AGMO: variants seen among roughly 807,000 people sequenced by gnomAD.
The protein encoded by AGMO is glyceryl-ether monooxygenase.
Under a neutral mutation model 60.2 loss-of-function variants are expected in AGMO, and 75 were observed. That is an observed-to-expected ratio of 1.25 (90% CI 1.03 to 1.51). The LOEUF (loss-of-function observed/expected upper bound fraction) is 1.51. Among genes scored for constraint, AGMO ranks in the 40% most tolerant of loss-of-function variants. AGMO has a pLI of 0.00. For missense variants in AGMO, 763 were observed against 525.5 expected, an observed-to-expected ratio of 1.45 and a Z score of -4.42; for synonymous variants, 261 against 177.1, an observed-to-expected ratio of 1.47 and a Z score of -3.76.
intron 3 of AGMO, among the ~76,000 whole-genome samples, chr7:15,475,513 G>T (rs1782571059): frequency 6.6e-6 from 1 of 152,122 alleles, no homozygotes; most frequent in South Asian, 2.1e-4. Context: ...GATGCAGGGA[G>T]GGGAACATCA....
intron 12 of AGMO, among the ~76,000 whole-genome samples, chr7:15,284,464 A>C (rs1238064286): frequency 2.0e-5 from 3 of 152,128 alleles, no homozygotes; most frequent in Non-Finnish European, 2.9e-5. Context: ...CAAACTAAAA[A>C]ATCTAGAGGA....
intron 12 of AGMO, among the ~76,000 whole-genome samples, chr7:15,316,663 AATAG>A (rs1273654735): frequency 2.0e-5 from 3 of 152,166 alleles, no homozygotes; most frequent in African/African-American, 7.2e-5. Context: ...AGGGGATAAT[AATAG>A]ATACTTTACT....
chr7:15,163,418 TC>T, the AGMO span, among the ~76,000 whole-genome samples: 6 of 152,138 alleles, frequency 3.9e-5, no homozygotes, highest in African/African-American at 1.4e-4. Flanking sequence ...GGGGAATACT[TC>T]CAACTCTTCT....
chr7:15,319,913 A>G (rs1278309391), intron 12 of AGMO, among the ~76,000 whole-genome samples: 1 of 152,144 alleles, frequency 6.6e-6, no homozygotes, highest in African/African-American at 2.4e-5. Flanking sequence ...GTATAAAACT[A>G]AAAATATAAT....
chr7:15,303,789 C>G (rs750516406), intron 12 of AGMO, among the ~76,000 whole-genome samples: 7 of 152,068 alleles, frequency 4.6e-5, no homozygotes, highest in South Asian at 4.1e-4. Flanking sequence ...AAGAAAGATA[C>G]AAGGAAATAC....
intron 12 of AGMO, among the ~76,000 whole-genome samples, chr7:15,218,668 A>G (rs1184953925): frequency 6.6e-6 from 1 of 152,184 alleles, no homozygotes; most frequent in Non-Finnish European, 1.5e-5. Context: ...TTAATTTAAA[A>G]AAAGAGTTCA....
chr7:15,313,082 T>C (rs1161962653), intron 12 of AGMO, among the ~76,000 whole-genome samples: 1 of 152,224 alleles, frequency 6.6e-6, no homozygotes, highest in Non-Finnish European at 1.5e-5. Flanking sequence ...GACATATCTA[T>C]GGGAACATTC....
the AGMO span, among the ~76,000 whole-genome samples, chr7:15,188,794 A>G: frequency 6.6e-6 from 1 of 152,182 alleles, no homozygotes; most frequent in African/African-American, 2.4e-5. Flanking sequence ...GATGCTACTG[A>G]GAAGACAAAA....
At chr7:15,496,748 C>T (rs1429144310) in intron 3 of AGMO, among the ~76,000 whole-genome samples, 3 of 152,080 alleles carry the variant, frequency 2.0e-5, no homozygotes, top group African/African-American at 7.2e-5. Context: ...TGGTTACATA[C>T]ATGTTTTTAA....
intron 12 of AGMO, among the ~76,000 whole-genome samples, chr7:15,350,044 A>G (rs1351554765): frequency 1.3e-5 from 2 of 152,114 alleles, no homozygotes; most frequent in Non-Finnish European, 2.9e-5. Context: ...TTAAACACTG[A>G]TTATTCTCTT....
the AGMO span, among the ~76,000 whole-genome samples, chr7:15,194,088 T>C: frequency 1.3e-5 from 2 of 152,198 alleles, no homozygotes; most frequent in Non-Finnish European, 2.9e-5. Context: ...AAATTTCTGT[T>C]CATACTATCT....
intron 3 of AGMO, among the ~76,000 whole-genome samples, chr7:15,477,005 C>T (rs1271376982): frequency 2.0e-5 from 3 of 152,012 alleles, no homozygotes; most frequent in African/African-American, 4.8e-5. Context: ...TGAAAATCTA[C>T]CAATACAAAG....
intron 12 of AGMO, among the ~76,000 whole-genome samples, chr7:15,218,236 G>A (rs1324370983): frequency 6.6e-6 from 1 of 151,892 alleles, no homozygotes; most frequent in East Asian, 1.9e-4. Context: ...AAAAGCAGAA[G>A]GCTGCTATAT....
intron 12 of AGMO, among the ~76,000 whole-genome samples, chr7:15,247,134 T>C (rs961587522): frequency 6.6e-6 from 1 of 151,728 alleles, no homozygotes; most frequent in South Asian, 2.1e-4. Context: ...AGAACATTCA[T>C]CTCACAGCAC....
chr7:15,501,654 C>T (rs1036116635), intron 3 of AGMO, among the ~76,000 whole-genome samples: 13 of 151,420 alleles, frequency 8.6e-5, no homozygotes, highest in East Asian at 5.8e-4. Flanking sequence ...TGATGGTAGG[C>T]GAAAAATATT....
chr7:15,527,563 T>G (rs1336525913), intron 3 of AGMO, among the ~76,000 whole-genome samples: 1 of 152,298 alleles, frequency 6.6e-6, no homozygotes, highest in Admixed American at 6.5e-5. Context: ...CAAGTGTTGA[T>G]CTGGAAGCTA....
intron 11 of AGMO, 86 bp from the exon 12 acceptor site, chr7:15,365,705 C>T: frequency 2.3e-6 from 2 of 879,036 alleles, no homozygotes; most frequent in Non-Finnish European, 3.5e-6. Flanking sequence ...ACTTCTCATT[C>T]TCAAGAAATA....
At chr7:15,128,143 T>G in the AGMO span, among the ~76,000 whole-genome samples, 408 of 152,212 alleles carry the variant, frequency 2.7e-3, no homozygotes, top group African/African-American at 9.3e-3. Context: ...GTTTGCCTCT[T>G]GTTACTAGTG....
chr7:15,230,796 A>G (rs1172616205), intron 12 of AGMO, among the ~76,000 whole-genome samples: 1 of 152,088 alleles, frequency 6.6e-6, no homozygotes, highest in African/African-American at 2.4e-5. Context: ...CGCAGAATCC[A>G]TGAAACTCCT....
Sources: allele counts gnomAD v4.1 joint callset (sites outside exome capture counted in the v4.1 genomes callset), GRCh38; gene constraint gnomAD v4.1.1; transcripts MANE v1.5; gene names NCBI Gene and HGNC (gene_info 2026-07-23, HGNC 2026-07-21).